NBEA: variants seen among roughly 807,000 people sequenced by gnomAD.
The protein encoded by NBEA is neurobeachin.
Under a neutral mutation model 343.4 loss-of-function variants are expected in NBEA, and 44 were observed. The ratio of observed to expected loss-of-function variants is 0.13; its 90% CI spans 0.10 to 0.16. NBEA has a LOEUF of 0.16. NBEA is among the 10% of genes least tolerant of loss of function. The probability of loss-of-function intolerance (pLI) is 1.00; values close to 1 mark genes in which losing one functional copy is unlikely to be tolerated. For missense variants in NBEA, 2,555 were observed against 3,631.3 expected (o/e 0.70, Z 7.62); for synonymous variants, 1,175 against 1,238.7 (o/e 0.95, Z 1.08).
chr13:35,247,624 C>G (rs1702255899), intron 34 of NBEA, among the ~76,000 whole-genome samples: 1 of 152,120 alleles, frequency 6.6e-6, no homozygotes, highest in East Asian at 1.9e-4. Context: ...TGGACACTCA[C>G]AGTGTTTGGG....
intron 45 of NBEA, among the ~76,000 whole-genome samples, chr13:35,583,019 A>G (rs2153037833): frequency 6.6e-6 from 1 of 152,348 alleles, no homozygotes; most frequent in East Asian, 1.9e-4. Flanking sequence ...AACATACTTA[A>G]TTTATAGTAT....
At chr13:35,327,983 T>C (rs919731055) in intron 36 of NBEA, among the ~76,000 whole-genome samples, 14 of 151,324 alleles carry the variant, frequency 9.3e-5, no homozygotes, top group Admixed American at 5.9e-4. Flanking sequence ...GCAAAAAACA[T>C]ATAGCTAACA....
At chr13:35,275,279 G>T (rs2034497982) in intron 34 of NBEA, among the ~76,000 whole-genome samples, 1 of 152,126 alleles carries the variant, frequency 6.6e-6, no homozygotes, top group Non-Finnish European at 1.5e-5. Context: ...TTTAATAAAT[G>T]GTGCTGGGAA....
chr13:34,998,159 T>G (rs903296593), intron 1 of NBEA, among the ~76,000 whole-genome samples: 3 of 152,058 alleles, frequency 2.0e-5, no homozygotes, highest in Non-Finnish European at 2.9e-5. Context: ...TTCCATGATG[T>G]GCCCCCAAGC....
At chr13:35,170,293 C>T (rs1388119849) in intron 25 of NBEA, among the ~76,000 whole-genome samples, 1 of 151,560 alleles carries the variant, frequency 6.6e-6, no homozygotes, top group Non-Finnish European at 1.5e-5. Flanking sequence ...ATATGCTAAC[C>T]TTGTAGTTGA....
chr13:35,566,893 T>C lies in NBEA; in HGVS notation c.6923-12T>C, dbSNP rs771150411. 6.7e-7 allele frequency: 1 copy of C among 1,485,566 alleles called. No homozygotes were observed. The highest frequency in any genetic ancestry group is 1.2e-5 in the South Asian group (1 of 82,140). 92.0% of individuals were successfully genotyped at this position (1,485,566 alleles called of 1,614,324 possible). ...GTGTGTACAAATTTTTATTTCTGTT[T>C]TTCTTTACTAGGACGGACATATAAT... On this transcript the variant is annotated splice_polypyrimidine_tract_variant and intron_variant, in intron 44 of 58. Transcript: ENST00000379939.
At chr13:35,494,290 G>T (rs1166064335) in intron 41 of NBEA, among the ~76,000 whole-genome samples, 1 of 151,940 alleles carries the variant, frequency 6.6e-6, no homozygotes, top group Non-Finnish European at 1.5e-5. Context: ...AGAGAATTTT[G>T]CTTGGCACCT....
intron 49 of NBEA, among the ~76,000 whole-genome samples, chr13:35,636,546 A>G (rs1039889525): frequency 3.2e-4 from 49 of 152,218 alleles, no homozygotes; most frequent in Admixed American, 2.7e-3. Context: ...TCCCATGATT[A>G]AACACTTCTA....
chr13:35,207,380 T>C (rs2073463665), intron 31 of NBEA, among the ~76,000 whole-genome samples: 1 of 152,104 alleles, frequency 6.6e-6, no homozygotes, highest in African/African-American at 2.4e-5. Flanking sequence ...GATATTTTAG[T>C]ACTGTCAGTT....
intron 41 of NBEA, among the ~76,000 whole-genome samples, chr13:35,494,244 G>T (rs1315700506): frequency 6.6e-6 from 1 of 151,932 alleles, no homozygotes; most frequent in African/African-American, 2.4e-5. Context: ...CAGAGACAGT[G>T]AGATATGTCA....
At chr13:35,409,453 A>G (rs1209667827) in intron 38 of NBEA, among the ~76,000 whole-genome samples, 1 of 152,142 alleles carries the variant, frequency 6.6e-6, no homozygotes, top group East Asian at 1.9e-4. Flanking sequence ...ATACAAGTTT[A>G]CCTATGTAAC....
chr13:35,500,738 T>G, intron 41 of NBEA, among the ~76,000 whole-genome samples: 1 of 148,054 alleles, frequency 6.8e-6, no homozygotes, highest in East Asian at 2.0e-4. Flanking sequence ...TTTGAAAACA[T>G]AATTGTTGGT....
intron 35 of NBEA, among the ~76,000 whole-genome samples, chr13:35,302,569 C>G (rs1051698706): frequency 1.3e-5 from 2 of 152,234 alleles, no homozygotes; most frequent in Non-Finnish European, 2.9e-5. Flanking sequence ...GTGCCCCAGC[C>G]ATATCATATT....
intron 41 of NBEA, among the ~76,000 whole-genome samples, chr13:35,479,280 C>G (rs137937930): frequency 8.1e-4 from 123 of 152,284 alleles, no homozygotes; most frequent in African/African-American, 2.9e-3. Flanking sequence ...GCGATTATCA[C>G]TGTGGGTGAA....
intron 18 of NBEA, 91 bp downstream of exon 18, chr13:35,142,468 A>C (rs2068142878): frequency 2.7e-6 from 2 of 748,736 alleles, no homozygotes; most frequent in Admixed American, 5.5e-5. Flanking sequence ...TTGGTCTGTT[A>C]ATCTAAAAGC....
chr13:35,542,291 C>T (rs140109077), intron 41 of NBEA, among the ~76,000 whole-genome samples: 2 of 152,250 alleles, frequency 1.3e-5, no homozygotes, highest in East Asian at 3.9e-4. Context: ...TGGAAAGCTT[C>T]ATTTTTCCAG....
intron 21 of NBEA, among the ~76,000 whole-genome samples, chr13:35,158,309 T>C (rs1373989846): frequency 6.6e-6 from 1 of 152,134 alleles, no homozygotes; most frequent in Non-Finnish European, 1.5e-5. Context: ...AGAAAGTCTG[T>C]GAACTTTAAA....
chr13:35,152,849 C>G (rs1362569366), intron 18 of NBEA, among the ~76,000 whole-genome samples: 1 of 151,978 alleles, frequency 6.6e-6, no homozygotes, highest in Non-Finnish European at 1.5e-5. Context: ...ATATCCAGCT[C>G]TGAACCTCTG....
At chr13:35,110,617 A>G (rs990140419) in intron 12 of NBEA, among the ~76,000 whole-genome samples, 193 bp from the exon 13 acceptor site, 2 of 152,068 alleles carry the variant, frequency 1.3e-5, no homozygotes, top group Admixed American at 6.6e-5. Context: ...AGTTTATTAG[A>G]ATATGTTAAT....
Sources: allele counts gnomAD v4.1 joint callset (sites outside exome capture counted in the v4.1 genomes callset), GRCh38; gene constraint gnomAD v4.1.1; transcripts MANE v1.5; gene names NCBI Gene and HGNC (gene_info 2026-07-23, HGNC 2026-07-21).